The following SUGCT variants were observed in gnomAD, a reference collection of about 807,000 sequenced individuals.
The protein encoded by SUGCT is succinyl-CoA:glutarate CoA-transferase.
A neutral mutation model predicts 55.0 loss-of-function variants in SUGCT; 41 were observed. The observed-to-expected ratio is 0.74, with a 90% CI of 0.58 to 0.97. The LOEUF is 0.97. Ranked by LOEUF, SUGCT falls within the 50% of genes least tolerant of loss-of-function variation. The probability of loss-of-function intolerance (pLI) is 0.00; values close to 1 mark genes in which losing one functional copy is unlikely to be tolerated. For synonymous variants in SUGCT, 187 were observed against 200.4 expected, an observed-to-expected ratio of 0.93 and a Z score of 0.56; for missense variants, 568 against 547.8, an observed-to-expected ratio of 1.04 and a Z score of -0.37.
At chr7:40,566,264 G>A (rs111397767) in intron 12 of SUGCT, among the ~76,000 whole-genome samples, 1,421 of 117,030 alleles carry the variant, frequency 0.012, 26 homozygotes, top group African/African-American at 0.042. Context: ...GATACTATTA[G>A]TATTAGATCT....
At chr7:40,488,938 T>TG (rs1264113213) in intron 11 of SUGCT, among the ~76,000 whole-genome samples, 1 of 152,186 alleles carries the variant, frequency 6.6e-6, no homozygotes, top group African/African-American at 2.4e-5. Context: ...AATATATATT[T>TG]GGTTAGCCTG....
intron 5 of SUGCT, among the ~76,000 whole-genome samples, chr7:40,194,704 C>T (rs1786143251): frequency 6.6e-6 from 1 of 152,202 alleles, no homozygotes; most frequent in Admixed American, 6.5e-5. Flanking sequence ...TTGAAGGATG[C>T]AGAATCCATT....
At chr7:40,912,903 A>G in the SUGCT span, among the ~76,000 whole-genome samples, 1 of 151,850 alleles carries the variant, frequency 6.6e-6, no homozygotes, top group Admixed American at 6.6e-5. Context: ...CTGTTTAGAT[A>G]CTTGATGCAC....
the SUGCT span, chr7:40,979,837 G>A: frequency 6.6e-6 from 1 of 152,038 alleles, no homozygotes; most frequent in Non-Finnish European, 1.5e-5. Context: ...AAGTCTTTGC[G>A]GGGAAAAGGG....
intron 7 of SUGCT, among the ~76,000 whole-genome samples, chr7:40,246,614 T>C (rs1584449734): frequency 7.1e-6 from 1 of 139,866 alleles, no homozygotes; most frequent in African/African-American, 2.7e-5. Flanking sequence ...TTTTTTTTTT[T>C]GAGAAGGAGT....
intron 12 of SUGCT, among the ~76,000 whole-genome samples, chr7:40,744,089 A>ATT (rs34967774): frequency 2.8e-3 from 388 of 137,524 alleles, no homozygotes; most frequent in African/African-American, 9.5e-3. Flanking sequence ...ACCTGGCTAA[A>ATT]TTTTTTTTTT....
intron 11 of SUGCT, among the ~76,000 whole-genome samples, chr7:40,489,296 G>C (rs780938708): frequency 1.3e-5 from 2 of 150,044 alleles, no homozygotes; most frequent in Non-Finnish European, 3.0e-5. Context: ...TCCAGGATTT[G>C]GGATTTTTAA....
intron 6 of SUGCT, among the ~76,000 whole-genome samples, chr7:40,216,701 A>C (rs1478347506): frequency 6.6e-6 from 1 of 151,502 alleles, no homozygotes; most frequent in Non-Finnish European, 1.5e-5. Context: ...AAAATACAAA[A>C]ATTAGCCAGG....
chr7:40,946,339 A>G, the SUGCT span, among the ~76,000 whole-genome samples: 2 of 152,140 alleles, frequency 1.3e-5, no homozygotes, highest in Admixed American at 1.3e-4. Flanking sequence ...GTCGGGGCTG[A>G]GACAGGCAAG....
intron 1 of SUGCT, among the ~76,000 whole-genome samples, chr7:40,173,316 G>A (rs539759113): frequency 1.5e-4 from 23 of 152,306 alleles, no homozygotes; most frequent in African/African-American, 3.8e-4. Context: ...GAAACACAGC[G>A]GACACCCTGC....
the SUGCT span, among the ~76,000 whole-genome samples, chr7:40,903,672 T>A: frequency 6.6e-6 from 1 of 152,176 alleles, no homozygotes; most frequent in Non-Finnish European, 1.5e-5. Flanking sequence ...AAAGACGAGT[T>A]CTTTCATCAC....
At chr7:40,219,372 T>A (rs1787893951) in intron 6 of SUGCT, among the ~76,000 whole-genome samples, 1 of 152,204 alleles carries the variant, frequency 6.6e-6, no homozygotes, top group African/African-American at 2.4e-5. Context: ...GTAAGTAGAA[T>A]AAAGGGAGTG....
At chr7:40,672,752 T>G (rs1197964147) in intron 12 of SUGCT, among the ~76,000 whole-genome samples, 1 of 152,238 alleles carries the variant, frequency 6.6e-6, no homozygotes, top group Admixed American at 6.5e-5. Flanking sequence ...GAGCTCTGTA[T>G]TATTTCTTAC....
At chr7:40,420,687 T>A (rs1409837579) in intron 9 of SUGCT, among the ~76,000 whole-genome samples, 1 of 152,068 alleles carries the variant, frequency 6.6e-6, no homozygotes, top group Non-Finnish European at 1.5e-5. Context: ...GCAGATCATC[T>A]TTCTGGCTCT....
the SUGCT span, among the ~76,000 whole-genome samples, chr7:41,017,196 T>C: frequency 2.0e-5 from 3 of 152,186 alleles, no homozygotes; most frequent in African/African-American, 7.2e-5. Context: ...CTTCAGGAAT[T>C]CCCTTTCTAT....
chr7:40,909,868 T>C, the SUGCT span, among the ~76,000 whole-genome samples: 1 of 152,110 alleles, frequency 6.6e-6, no homozygotes, highest in Non-Finnish European at 1.5e-5. Context: ...AGCCAACATG[T>C]CTGAGTCTAA....
intron 12 of SUGCT, among the ~76,000 whole-genome samples, chr7:40,564,292 C>T (rs1299131405): frequency 1.3e-5 from 2 of 152,154 alleles, no homozygotes; most frequent in African/African-American, 4.8e-5. Context: ...AGGAGAATGG[C>T]GTGAATCCGG....
intron 12 of SUGCT, among the ~76,000 whole-genome samples, chr7:40,573,892 C>T (rs1796582812): frequency 6.6e-6 from 1 of 152,192 alleles, no homozygotes; most frequent in Non-Finnish European, 1.5e-5. Flanking sequence ...ATGTTTCTTA[C>T]TTTCTCCATT....
At chr7:40,899,989 G>A in the SUGCT span, among the ~76,000 whole-genome samples, 33 of 152,154 alleles carry the variant, frequency 2.2e-4, no homozygotes, top group Non-Finnish European at 4.7e-4. Flanking sequence ...GGTAGTGGGT[G>A]GGCCCTGGCC....
Sources: allele counts gnomAD v4.1 joint callset (sites outside exome capture counted in the v4.1 genomes callset), GRCh38; gene constraint gnomAD v4.1.1; transcripts MANE v1.5; gene names NCBI Gene and HGNC (gene_info 2026-07-23, HGNC 2026-07-21).